Variants in NEGR1 observed in about 807,000 individuals in gnomAD.
NEGR1 encodes the protein IgLON family member 4.
NEGR1 carries 10 observed loss-of-function variants against 40.9 expected under a neutral mutation model. That is an observed-to-expected ratio of 0.24 (90% CI 0.15 to 0.42). The LOEUF is 0.42. NEGR1 is among the 10% of genes least tolerant of loss of function. The pLI is 1.00. For missense variants in NEGR1, 352 were observed against 438.9 expected (o/e 0.80, Z 1.77); for synonymous variants, 185 against 166.8 (o/e 1.11, Z -0.84).
At chr1:71,805,416 C>T (rs1441378545) in intron 2 of NEGR1, among the ~76,000 whole-genome samples, 1 of 152,072 alleles carries the variant, frequency 6.6e-6, no homozygotes, top group Non-Finnish European at 1.5e-5. Flanking sequence ...TGATGTCTCC[C>T]CCGGACACCC....
At chr1:72,178,656 A>C (rs1652257286) in intron 1 of NEGR1, among the ~76,000 whole-genome samples, 1 of 151,672 alleles carries the variant, frequency 6.6e-6, no homozygotes, top group Non-Finnish European at 1.5e-5. Flanking sequence ...GCAGTGTATA[A>C]GCGTTCCCTT....
At chr1:71,965,161 C>A (rs190846739) in intron 1 of NEGR1, among the ~76,000 whole-genome samples, 39 of 152,174 alleles carry the variant, frequency 2.6e-4, no homozygotes, top group African/African-American at 9.4e-4. Flanking sequence ...ACCACTTTTG[C>A]GCTTTTACAA....
At chr1:71,651,884 A>C (rs1651729804) in intron 4 of NEGR1, among the ~76,000 whole-genome samples, 1 of 151,640 alleles carries the variant, frequency 6.6e-6, no homozygotes, top group Admixed American at 6.6e-5. Context: ...TTTTGTTTCA[A>C]CTTTCCATAC....
chr1:72,252,963 G>C (rs1372260649), intron 1 of NEGR1, among the ~76,000 whole-genome samples: 1 of 152,148 alleles, frequency 6.6e-6, no homozygotes, highest in Non-Finnish European at 1.5e-5. Context: ...AAATTTGCAG[G>C]TTGTTTTGTT....
intron 1 of NEGR1, among the ~76,000 whole-genome samples, chr1:72,126,091 A>ATG (rs67552146): frequency 0.036 from 5,239 of 146,594 alleles, 165 homozygotes; most frequent in East Asian, 0.2. Context: ...AGAGAAAAGT[A>ATG]TGTGTGTGTG....
At chr1:71,579,070 A>G (rs1649048036) in intron 6 of NEGR1, among the ~76,000 whole-genome samples, 1 of 152,152 alleles carries the variant, frequency 6.6e-6, no homozygotes, top group East Asian at 1.9e-4. Flanking sequence ...TTTGTCACTC[A>G]CATTTTAAAA....
At chr1:71,638,768 A>G (rs1229185085) in intron 4 of NEGR1, among the ~76,000 whole-genome samples, 1 of 152,018 alleles carries the variant, frequency 6.6e-6, no homozygotes, top group African/African-American at 2.4e-5. Flanking sequence ...GAAGAACGTT[A>G]TTAATATACT....
chr1:72,136,222 T>C (rs1250187122), intron 1 of NEGR1, among the ~76,000 whole-genome samples: 1 of 152,170 alleles, frequency 6.6e-6, no homozygotes, highest in Non-Finnish European at 1.5e-5. Flanking sequence ...GCACATGTAT[T>C]AAGCAGTTAT....
intron 1 of NEGR1, among the ~76,000 whole-genome samples, chr1:72,205,590 T>C (rs2100453939): frequency 6.7e-6 from 1 of 150,316 alleles, no homozygotes; most frequent in Middle Eastern, 3.4e-3. Context: ...ACACTCAGGT[T>C]TAACAGGTAA....
rs555287399 is a variant in NEGR1, at chr1:71,404,128, C to G, written c.*3318G>C. On this transcript the variant is annotated 3_prime_UTR_variant, in exon 7 of 7. Coordinates refer to ENST00000357731, the MANE Select transcript of NEGR1 (RefSeq NM_173808.3). ...TGATAATTCAGTTTTTCAGAGTTTT[C>G]TGACTTCAAATGTAGGGGTATTTAT... 5.0e-6 allele frequency: 1 copy of G among 199,386 alleles called. No individual in the cohort carries two copies. The highest frequency in any genetic ancestry group is 1.1e-4 in the East Asian group (1 of 9,494). The allele number at this position is 199,386 out of a possible 1,614,324, so 12.4% of individuals were successfully genotyped here. A position where few individuals can be genotyped will look rare whatever the true frequency, so the allele number is the denominator to read the frequency against.
chr1:72,054,305 T>A (rs1156384340), intron 1 of NEGR1, among the ~76,000 whole-genome samples: 1 of 151,332 alleles, frequency 6.6e-6, no homozygotes, highest in Non-Finnish European at 1.5e-5. Context: ...CATTTTTACA[T>A]CTATAGCTGT....
intron 1 of NEGR1, among the ~76,000 whole-genome samples, chr1:72,000,979 C>T (rs1018994012): frequency 6.6e-6 from 1 of 151,996 alleles, no homozygotes; most frequent in Non-Finnish European, 1.5e-5. Context: ...ATAAGAAAGG[C>T]TATCCAGGAG....
At chr1:71,837,695 C>T (rs1659089213) in intron 2 of NEGR1, among the ~76,000 whole-genome samples, 1 of 152,018 alleles carries the variant, frequency 6.6e-6, no homozygotes, top group Non-Finnish European at 1.5e-5. Context: ...TAATATTCCT[C>T]CATTTACAAT....
At chr1:71,439,440 G>A in intron 6 of NEGR1, among the ~76,000 whole-genome samples, 1 of 152,282 alleles carries the variant, frequency 6.6e-6, no homozygotes, top group South Asian at 2.1e-4. Flanking sequence ...TTGGCTCACT[G>A]CAACCTCTGC....
chr1:72,211,946 C>A (rs1653624192), intron 1 of NEGR1, among the ~76,000 whole-genome samples: 1 of 151,738 alleles, frequency 6.6e-6, no homozygotes, highest in Non-Finnish European at 1.5e-5. Context: ...ATCTGCAATG[C>A]AAAGTGGTAA....
intron 1 of NEGR1, among the ~76,000 whole-genome samples, chr1:72,124,950 AAAAAT>A (rs1649953595): frequency 6.6e-6 from 1 of 152,088 alleles, no homozygotes; most frequent in South Asian, 2.1e-4. Context: ...TTTTCTTAAC[AAAAAT>A]ATTTACTAAT....
intron 3 of NEGR1, among the ~76,000 whole-genome samples, chr1:71,767,459 G>T (rs569122731): frequency 1.3e-5 from 2 of 152,278 alleles, no homozygotes; most frequent in South Asian, 4.1e-4. Context: ...TTTTAAAGCA[G>T]CCAGGTGTTC....
At chr1:71,924,825 G>T (rs764188090) in intron 2 of NEGR1, among the ~76,000 whole-genome samples, 1 of 151,764 alleles carries the variant, frequency 6.6e-6, no homozygotes, top group African/African-American at 2.4e-5. Flanking sequence ...AAATTATAGA[G>T]AATAAGAAGG....
At chr1:71,553,829 G>C (rs941385727) in intron 6 of NEGR1, among the ~76,000 whole-genome samples, 1 of 151,444 alleles carries the variant, frequency 6.6e-6, no homozygotes, top group Non-Finnish European at 1.5e-5. Context: ...TGTAGATATA[G>C]CACAAATATC....
Sources: gnomAD v4.1 joint callset for allele counts (sites outside exome capture counted in the v4.1 genomes callset) on GRCh38, gnomAD v4.1.1 for gene constraint, MANE v1.5 for transcripts, NCBI Gene and HGNC (gene_info 2026-07-23, HGNC 2026-07-21) for gene names.